The following ADAMTS12 variants were observed in gnomAD, a reference collection of about 807,000 sequenced individuals.
ADAMTS12 encodes the protein A disintegrin and metalloproteinase with thrombospondin motifs 12.
A neutral mutation model predicts 167.8 loss-of-function variants in ADAMTS12; 118 were observed. That is an observed-to-expected ratio of 0.70 (90% CI 0.61 to 0.82). The LOEUF (loss-of-function observed/expected upper bound fraction) is 0.82, where lower values mean the gene tolerates loss of function less well. Ranked by LOEUF, ADAMTS12 falls within the 40% of genes least tolerant of loss-of-function variation. ADAMTS12 has a pLI of 0.00. For missense variants in ADAMTS12, 1,916 were observed against 1,998.8 expected (o/e 0.96, Z 0.79); for synonymous variants, 704 against 716.9 (o/e 0.98, Z 0.29).
In ADAMTS12 at chr5:33,764,887, T is replaced by C. The variant is rs184561854; in HGVS notation, c.490-13339A>G. Among the ~76,000 whole-genome samples, 36 of 151,912 alleles carry C rather than the reference T, an allele frequency of 2.4e-4. No individual in the cohort carries two copies. In the East Asian group the frequency reaches 6.6e-3, roughly 28 times the overall value. On this transcript the variant is annotated intron_variant, in intron 2 of 23. Transcript: ENST00000504830. The stretch of plus-strand genomic sequence containing the variant: ...CTCCCACCCCCATTTGCACCCCCGA[T>C]TCTTACCATTCTCTCAGCATCCAAG...
At chr5:33,781,802 C>T (rs768570608) in intron 2 of ADAMTS12, among the ~76,000 whole-genome samples, 3 of 151,946 alleles carry the variant, frequency 2.0e-5, no homozygotes, top group Admixed American at 6.6e-5. Flanking sequence ...CCCACTAACT[C>T]GTCATTTAGC....
At chr5:33,866,961 T>A (rs1209141629) in intron 2 of ADAMTS12, among the ~76,000 whole-genome samples, 1 of 151,962 alleles carries the variant, frequency 6.6e-6, no homozygotes, top group Non-Finnish European at 1.5e-5. Context: ...AATGTTGGCA[T>A]AGGTGTGGTG....
chr5:33,529,918 G>A (rs1229522610), intron 23 of ADAMTS12, among the ~76,000 whole-genome samples: 1 of 152,010 alleles, frequency 6.6e-6, no homozygotes, highest in Non-Finnish European at 1.5e-5. Context: ...GTTTCAGAGA[G>A]AGAGTACACG....
At chr5:33,677,549 G>A (rs1741962739) in intron 5 of ADAMTS12, among the ~76,000 whole-genome samples, 2 of 152,148 alleles carry the variant, frequency 1.3e-5, no homozygotes, top group South Asian at 2.1e-4. Flanking sequence ...GGAGCAGGGG[G>A]CCCACCAAAC....
At chr5:33,607,297 C>T (rs6873434) in intron 16 of ADAMTS12, among the ~76,000 whole-genome samples, 87,893 of 151,648 alleles carry the variant, frequency 0.58, 25,736 homozygotes, top group East Asian at 0.82. Flanking sequence ...AAAATGTTCT[C>T]ATTACTGAAA....
At chr5:33,889,214 T>A (rs1750756728) in intron 1 of ADAMTS12, among the ~76,000 whole-genome samples, 1 of 152,012 alleles carries the variant, frequency 6.6e-6, no homozygotes, top group South Asian at 2.1e-4. Flanking sequence ...TTGGGGAGGC[T>A]GAAGTGGGAG....
At chr5:33,825,737 G>C (rs532226276) in intron 2 of ADAMTS12, among the ~76,000 whole-genome samples, 2 of 152,258 alleles carry the variant, frequency 1.3e-5, no homozygotes, top group African/African-American at 4.8e-5. Flanking sequence ...AGAGGAAGAA[G>C]CAATAATCCA....
intron 19 of ADAMTS12, among the ~76,000 whole-genome samples, chr5:33,570,043 A>G (rs1746236091): frequency 6.6e-6 from 1 of 152,244 alleles, no homozygotes; most frequent in Non-Finnish European, 1.5e-5. Flanking sequence ...GGAAGTTTAG[A>G]GAAAAAAGAA....
Position 33,682,598 on chromosome 5 carries a change from G to GAC in ADAMTS12, c.915+418_915+419dup, listed in dbSNP as rs200061739. Among the ~76,000 whole-genome samples, 834 of 152,294 alleles carry GAC rather than the reference G, an allele frequency of 5.5e-3. 7 individuals are homozygous for GAC. Among genetic ancestry groups the GAC allele is most frequent in the African/African-American group, 0.019 (782 of 41,550 alleles). On this transcript the variant is annotated intron_variant, in intron 5 of 23. Coordinates refer to ENST00000504830, the MANE Select transcript of ADAMTS12 (RefSeq NM_030955.4). Reference sequence around the variant, plus strand: ...ATCCCCAAAGGTAAACGTGCAGATAGACAAGAGGTCCCAAATCTGAGAGGC... The same window carrying GAC: ...ATCCCCAAAGGTAAACGTGCAGATAGACACAAGAGGTCCCAAATCTGAGAGGC...
intron 23 of ADAMTS12, among the ~76,000 whole-genome samples, chr5:33,532,643 G>T (rs1744174586): frequency 6.7e-6 from 1 of 149,986 alleles, no homozygotes; most frequent in African/African-American, 2.4e-5. Flanking sequence ...GAATTTTGTT[G>T]ATTTTTTTTT....
intron 2 of ADAMTS12, among the ~76,000 whole-genome samples, chr5:33,824,854 A>G (rs1197158654): frequency 1.3e-5 from 2 of 152,142 alleles, no homozygotes; most frequent in African/African-American, 2.4e-5. Context: ...AATCTCCTAG[A>G]AGACTCTCAG....
intron 12 of ADAMTS12, among the ~76,000 whole-genome samples, chr5:33,632,809 G>A (rs1047191235): frequency 1.3e-5 from 2 of 152,298 alleles, no homozygotes; most frequent in East Asian, 1.9e-4. Context: ...AGCAAAAATA[G>A]AAAGCGGCCC....
chr5:33,742,972 T>A lies in ADAMTS12; in HGVS notation c.634+8432A>T, dbSNP rs148331911. Among the ~76,000 whole-genome samples, 487 of 152,306 alleles carry A rather than the reference T, an allele frequency of 3.2e-3. 5 individuals carry two copies. Among genetic ancestry groups the A allele is most frequent in the African/African-American group, 0.011 (445 of 41,570 alleles). On this transcript the variant is annotated intron_variant, in intron 3 of 23. Coordinates refer to ENST00000504830, the MANE Select transcript of ADAMTS12 (RefSeq NM_030955.4). The stretch of plus-strand genomic sequence containing the variant: ...AGTGCTGTGAAAAAATAAAGTAGGA[T>A]AAAGGGCTTACAAAGTGACGGAGGA...
intron 22 of ADAMTS12, among the ~76,000 whole-genome samples, chr5:33,542,311 A>G (rs1450212318): frequency 6.6e-6 from 1 of 152,200 alleles, no homozygotes; most frequent in African/African-American, 2.4e-5. Context: ...CATGCACCCA[A>G]TACAGGAGCA....
chr5:33,544,832 C>A (rs1393455796), intron 22 of ADAMTS12, among the ~76,000 whole-genome samples: 1 of 152,146 alleles, frequency 6.6e-6, no homozygotes, highest in South Asian at 2.1e-4. Flanking sequence ...AAACTGGATC[C>A]CTTCCTTACA....
At chr5:33,866,418 C>T (rs867334911) in intron 2 of ADAMTS12, among the ~76,000 whole-genome samples, 16 of 152,142 alleles carry the variant, frequency 1.1e-4, no homozygotes, top group Middle Eastern at 6.8e-3. Flanking sequence ...AACTGGATCC[C>T]CATCTCTCAC....
At chr5:33,832,293 C>A (rs1748331277) in intron 2 of ADAMTS12, among the ~76,000 whole-genome samples, 1 of 152,176 alleles carries the variant, frequency 6.6e-6, no homozygotes, top group Non-Finnish European at 1.5e-5. Flanking sequence ...TCGAAGTCCA[C>A]AAGCTTACTA....
intron 14 of ADAMTS12, among the ~76,000 whole-genome samples, chr5:33,616,399 C>A (rs907836219): frequency 3.3e-5 from 5 of 152,326 alleles, no homozygotes; most frequent in African/African-American, 7.2e-5. Flanking sequence ...AACCCTAAAG[C>A]TCCTTGCTAG....
chr5:33,879,646 G>A (rs1007870627), intron 2 of ADAMTS12, among the ~76,000 whole-genome samples: 4 of 152,134 alleles, frequency 2.6e-5, no homozygotes, highest in East Asian at 1.9e-4. Context: ...AGGAGGAAAC[G>A]ATAAACACCT....
Sources: allele counts gnomAD v4.1 joint callset (sites outside exome capture counted in the v4.1 genomes callset), GRCh38; gene constraint gnomAD v4.1.1; transcripts MANE v1.5; gene names NCBI Gene and HGNC (gene_info 2026-07-23, HGNC 2026-07-21).